Variants in CDH18 observed in about 807,000 individuals in gnomAD.
The protein encoded by CDH18 is cadherin-18.
CDH18 carries 31 observed loss-of-function variants against 67.9 expected under a neutral mutation model. That is an observed-to-expected ratio of 0.46 (90% CI 0.34 to 0.62). CDH18 has a LOEUF of 0.62. Ranked by LOEUF, CDH18 falls within the 20% of genes least tolerant of loss-of-function variation. CDH18 has a pLI of 0.01. For synonymous variants in CDH18, 362 were observed against 347.2 expected, an observed-to-expected ratio of 1.04 and a Z score of -0.48; for missense variants, 890 against 975.5, an observed-to-expected ratio of 0.91 and a Z score of 1.17.
At chr5:20,155,416 A>G (rs1751449689) in intron 2 of CDH18, among the ~76,000 whole-genome samples, 1 of 151,828 alleles carries the variant, frequency 6.6e-6, no homozygotes, top group African/African-American at 2.4e-5. Context: ...AAATAGGGTT[A>G]TTTCTTTGTT....
chr5:20,052,991 A>T (rs965528595), intron 2 of CDH18, among the ~76,000 whole-genome samples: 6 of 150,738 alleles, frequency 4.0e-5, no homozygotes, highest in Non-Finnish European at 7.4e-5. Context: ...TTTGTCCTCA[A>T]ATAAACTCTC....
chr5:20,375,126 C>A (rs781696655), intron 1 of CDH18, among the ~76,000 whole-genome samples: 1 of 152,228 alleles, frequency 6.6e-6, no homozygotes, highest in African/African-American at 2.4e-5. Flanking sequence ...AAGGAGATGT[C>A]ATTTATATCC....
At chr5:19,879,584 A>G (rs1734155958) in intron 2 of CDH18, among the ~76,000 whole-genome samples, 1 of 152,042 alleles carries the variant, frequency 6.6e-6, no homozygotes, top group Non-Finnish European at 1.5e-5. Flanking sequence ...TACCTACAGC[A>G]GTAGATATAA....
chr5:19,568,519 G>GT (rs1292881955), intron 8 of CDH18, among the ~76,000 whole-genome samples: 1 of 152,150 alleles, frequency 6.6e-6, no homozygotes, highest in Non-Finnish European at 1.5e-5. Flanking sequence ...ATAAATTGCA[G>GT]TTTTTTATAA....
At chr5:19,497,700 G>A (rs1351051771) in intron 11 of CDH18, among the ~76,000 whole-genome samples, 1 of 152,196 alleles carries the variant, frequency 6.6e-6, no homozygotes, top group African/African-American at 2.4e-5. Context: ...TTCTTGGTGT[G>A]AGGAAATTAG....
At chr5:20,565,585 A>C (rs1758455708) in intron 1 of CDH18, among the ~76,000 whole-genome samples, 2 of 152,000 alleles carry the variant, frequency 1.3e-5, no homozygotes, top group South Asian at 4.2e-4. Flanking sequence ...TGCTTGAAAT[A>C]TTCTGGTACT....
chr5:20,419,469 T>G (rs1294614127), intron 1 of CDH18, among the ~76,000 whole-genome samples: 6 of 55,650 alleles, frequency 1.1e-4, no homozygotes, highest in African/African-American at 7.2e-4. Flanking sequence ...TCTGTTTTTT[T>G]TTTTTTTTTT....
intron 2 of CDH18, 35 bp from the exon 3 acceptor site, chr5:19,839,277 C>T: frequency 2.9e-6 from 1 of 350,728 alleles, no homozygotes; most frequent in East Asian, 5.5e-5. Context: ...TGTTACAAAA[C>T]ACGGTTTTTT....
At chr5:20,502,601 G>A (rs1486048179) in intron 1 of CDH18, among the ~76,000 whole-genome samples, 1 of 152,070 alleles carries the variant, frequency 6.6e-6, no homozygotes, top group Non-Finnish European at 1.5e-5. Context: ...ACCCTGTTCT[G>A]TAAATACATA....
intron 1 of CDH18, among the ~76,000 whole-genome samples, chr5:20,521,953 G>C (rs1755768115): frequency 1.3e-5 from 2 of 152,084 alleles, no homozygotes; most frequent in Admixed American, 6.6e-5. Context: ...GAACAATTAG[G>C]ATGTATTATG....
chr5:20,150,849 A>T (rs771317609), intron 2 of CDH18, among the ~76,000 whole-genome samples: 1 of 152,074 alleles, frequency 6.6e-6, no homozygotes, highest in Non-Finnish European at 1.5e-5. Context: ...ATTTTTAAAT[A>T]ATAATACTGA....
intron 3 of CDH18, among the ~76,000 whole-genome samples, chr5:19,759,089 A>G (rs1332461665): frequency 6.6e-6 from 1 of 152,238 alleles, no homozygotes; most frequent in African/African-American, 2.4e-5. Flanking sequence ...GGCATTTGCC[A>G]AGTCAATGGT....
chr5:20,460,120 C>T (rs925739784), intron 1 of CDH18, among the ~76,000 whole-genome samples: 1 of 151,892 alleles, frequency 6.6e-6, no homozygotes, highest in Non-Finnish European at 1.5e-5. Flanking sequence ...GCAGGCCGGG[C>T]GCAGTGGCTC....
rs184323894 is a variant in CDH18 at position 20,437,598 on chromosome 5, T to G, written c.-580+137864A>C. ...AATTTCATCAAAATTGAACTAACTTTAAAATGTAATCATTTGAATCCAATG... is the reference window on the plus strand; with the variant it reads ...AATTTCATCAAAATTGAACTAACTTGAAAATGTAATCATTTGAATCCAATG... On this transcript the variant is annotated intron_variant, in intron 1 of 14. Transcript: ENST00000507958. Among the ~76,000 whole-genome samples, 3 of 151,546 alleles carry G rather than the reference T, an allele frequency of 2.0e-5. 1 individual carries two copies. The East Asian group carries it at 5.8e-4, about 29-fold the overall frequency.
chr5:19,930,159 GA>G (rs1793522848), intron 2 of CDH18, among the ~76,000 whole-genome samples: 1 of 152,038 alleles, frequency 6.6e-6, no homozygotes, highest in East Asian at 1.9e-4. Flanking sequence ...TATGGATGAA[GA>G]AAACGGAACA....
intron 2 of CDH18, among the ~76,000 whole-genome samples, chr5:20,184,656 T>C (rs901028604): frequency 6.6e-5 from 10 of 152,148 alleles, no homozygotes; most frequent in Admixed American, 4.6e-4. Flanking sequence ...CTGTGTATTG[T>C]TTTATGTCTT....
chr5:20,195,760 T>G (rs1398349985), intron 2 of CDH18, among the ~76,000 whole-genome samples: 1 of 152,122 alleles, frequency 6.6e-6, no homozygotes. Context: ...ACAAGTTAAA[T>G]AGAATATATT....
chr5:20,030,666 T>C (rs1429940752), intron 2 of CDH18, among the ~76,000 whole-genome samples: 1 of 152,126 alleles, frequency 6.6e-6, no homozygotes, highest in Non-Finnish European at 1.5e-5. Flanking sequence ...ATAAAGAATT[T>C]AGACATACTC....
At chr5:20,343,026 G>T (rs1381077055) in intron 1 of CDH18, among the ~76,000 whole-genome samples, 1 of 152,154 alleles carries the variant, frequency 6.6e-6, no homozygotes, top group African/African-American at 2.4e-5. Flanking sequence ...GCTTTTCTCT[G>T]TATGTCAGAT....
Sources: gnomAD v4.1 joint callset for allele counts (sites outside exome capture counted in the v4.1 genomes callset) on GRCh38, gnomAD v4.1.1 for gene constraint, MANE v1.5 for transcripts, NCBI Gene and HGNC (gene_info 2026-07-23, HGNC 2026-07-21) for gene names.